Variants in MRPS18A observed in about 807,000 individuals in gnomAD.
MRPS18A encodes the protein mitochondrial ribosomal protein S18A, also known as large ribosomal subunit protein mL66.
In MRPS18A, 20 loss-of-function variants were observed where a neutral mutation model predicts 22.7. That is an observed-to-expected ratio of 0.88 (90% CI 0.62 to 1.28). The LOEUF is 1.28. Among genes scored for constraint, MRPS18A ranks in the 50% most tolerant of loss-of-function variants. MRPS18A has a pLI of 0.00. For missense variants in MRPS18A, 294 were observed against 262.6 expected, an observed-to-expected ratio of 1.12 and a Z score of -0.83; for synonymous variants, 106 against 99.1, an observed-to-expected ratio of 1.07 and a Z score of -0.41.
chr6:43,686,138 A>T (rs1407289155), intron 1 of MRPS18A, among the ~76,000 whole-genome samples: 1 of 152,270 alleles, frequency 6.6e-6, no homozygotes, highest in East Asian at 1.9e-4. Context: ...TCCAAAGGAA[A>T]AAATTAAGTC....
chr6:43,687,405 G>C lies in MRPS18A; in HGVS notation c.112+263C>G, dbSNP rs557103611. 1.1e-4 allele frequency among the ~76,000 whole-genome samples: 16 copies of C among 152,318 alleles called. No homozygotes were observed. The South Asian group carries it at 3.1e-3, about 30-fold the overall frequency. On this transcript the variant is annotated intron_variant, in intron 1 of 5. Coordinates refer to ENST00000372133, the MANE Select transcript of MRPS18A (RefSeq NM_018135.4). ...TTTCCGAAAACTTTTCTGAGCCCTA[G>C]GACAGGTTTAGTGTCTGCTCCTGCT...
intron 4 of MRPS18A, 82 bp from the exon 5 acceptor site, chr6:43,675,353 G>A: frequency 6.3e-7 from 1 of 1,586,704 alleles, no homozygotes; most frequent in Non-Finnish European, 8.6e-7. Context: ...CAAGGGAGCG[G>A]GAAGGTTGGC....
chr6:43,672,176 T>C (rs1474641476), intron 5 of MRPS18A: 6 of 541,916 alleles, frequency 1.1e-5, no homozygotes, highest in Non-Finnish European at 2.1e-5. Flanking sequence ...AATGTCAATG[T>C]TGGTGTGTGT....
At position 43,673,911 on chromosome 6, in the gene MRPS18A, T is replaced by A. The variant is rs2127941840; in HGVS notation, c.446+1291A>T. On this transcript the variant is annotated intron_variant, in intron 5 of 5. Coordinates refer to ENST00000372133, the MANE Select transcript of MRPS18A (RefSeq NM_018135.4). The surrounding 1 kb of genome is among the most constrained non-coding windows in gnomAD (Gnocchi z 4.2). The stretch of plus-strand genomic sequence containing the variant: ...GATGCCGGATGTATGGGAGGGCGCC[T>A]GGCCTAGCTTCAAAGGCCTGAGGCA... Among the ~76,000 whole-genome samples the A allele has an allele frequency of 6.6e-6, 1 of 152,292 alleles. No homozygotes were observed. The highest frequency in any genetic ancestry group is 2.1e-4 in the South Asian group (1 of 4,828).
At chr6:43,686,637 T>C (rs757141088) in intron 1 of MRPS18A, among the ~76,000 whole-genome samples, 6 of 152,238 alleles carry the variant, frequency 3.9e-5, no homozygotes, top group Non-Finnish European at 7.3e-5. Flanking sequence ...TTTAGACTTT[T>C]CTGCTCCCTC....
intron 3 of MRPS18A, among the ~76,000 whole-genome samples, chr6:43,676,056 G>T (rs766758667): frequency 6.6e-6 from 1 of 152,014 alleles, no homozygotes; most frequent in Non-Finnish European, 1.5e-5. Context: ...TCGCTATGTT[G>T]CCCAGGTTGG....
chr6:43,683,109 C>T (rs1774504736), intron 1 of MRPS18A, among the ~76,000 whole-genome samples: 3 of 152,230 alleles, frequency 2.0e-5, no homozygotes, highest in African/African-American at 2.4e-5. Context: ...ACATCACTCC[C>T]GGCAAAGTAC....
At chr6:43,675,167 G>T in intron 5 of MRPS18A, 35 bp downstream of exon 5, 2 of 1,486,306 alleles carry the variant, frequency 1.3e-6, no homozygotes, top group South Asian at 1.4e-5. Flanking sequence ...CCTGAGCGCA[G>T]AACGCTCAGG....
At chr6:43,679,836 G>A (rs542249560) in intron 2 of MRPS18A, among the ~76,000 whole-genome samples, 5 of 152,170 alleles carry the variant, frequency 3.3e-5, no homozygotes, top group Non-Finnish European at 7.3e-5. Context: ...GCCTTGGGAG[G>A]CAGGTTGCAG....
intron 1 of MRPS18A, among the ~76,000 whole-genome samples, chr6:43,684,189 A>G (rs550428458): frequency 6.6e-6 from 1 of 152,304 alleles, no homozygotes; most frequent in South Asian, 2.1e-4. Context: ...AACTGCAGCC[A>G]TGTAAAGACT....
Position 43,681,224 on chromosome 6 carries a change from A to C in MRPS18A, c.113-104T>G, listed in dbSNP as rs41281842. 1,187 of 1,163,778 alleles carry C rather than the reference A, an allele frequency of 1.0e-3. 9 individuals carry two copies. Among genetic ancestry groups the C allele is most frequent in the Non-Finnish European group, 4.2e-4 (335 of 797,386 alleles). The allele number at this position is 1,163,778 out of a possible 1,614,324, so 72.1% of individuals were successfully genotyped here. A position where few individuals can be genotyped will look rare whatever the true frequency, so the allele number is the denominator to read the frequency against. ...CACATCTGGAAAAAAGCAGCCTTCC[A>C]TCTGTACTCTCTCATGGTCTCCACC... On this transcript the variant is annotated intron_variant, in intron 1 of 5. Coordinates refer to ENST00000372133, the MANE Select transcript of MRPS18A (RefSeq NM_018135.4).
chr6:43,682,050 CCAGCACTTTGGGAGGCTG>C (rs1465942748), intron 1 of MRPS18A, among the ~76,000 whole-genome samples: 1 of 152,168 alleles, frequency 6.6e-6, no homozygotes, highest in Non-Finnish European at 1.5e-5. Context: ...GCCTGTAATC[CCAGCACTTTGGGAGGCTG>C]AGGCGGGAAG....
chr6:43,675,442 G>C (rs1773999534), intron 4 of MRPS18A, 52 bp downstream of exon 4: 2 of 1,613,770 alleles, frequency 1.2e-6, no homozygotes, highest in Middle Eastern at 3.3e-4. Context: ...CAGCTGGGTG[G>C]GGAGAGAGTG....
At chr6:43,672,559 T>C in intron 5 of MRPS18A, 1 of 410,432 alleles carries the variant, frequency 2.4e-6, no homozygotes, top group Non-Finnish European at 5.1e-6. Flanking sequence ...CCGGCTAGGA[T>C]TGGGTTTTAC....
chr6:43,676,321 AC>A (rs1774052582), intron 3 of MRPS18A, among the ~76,000 whole-genome samples: 1 of 152,184 alleles, frequency 6.6e-6, no homozygotes, highest in Non-Finnish European at 1.5e-5. Flanking sequence ...AACATTTTAG[AC>A]CTCAAAGTCT....
At position 43,671,835 on chromosome 6, in the gene MRPS18A, C is replaced by G; in HGVS notation, c.518G>C (p.Arg173Pro). The stretch of plus-strand genomic sequence containing the variant: ...CAGAAGGGGTGACCCCACGGGCATG[C>G]GCACCCTGTTCCAGCGGGGGCCTTT... ...YKKGPRWNRV[R>P]MPVGSPLLRD... The change falls in exon 6 of 6, where the codon CGC becomes CCC. Residue 173 changes from arginine (R) to proline (P), a missense_variant. Physicochemically the swap from Arg to Pro is moderately radical, Grantham distance 103. Coordinates refer to ENST00000372133, the MANE Select transcript of MRPS18A (RefSeq NM_018135.4). 1.2e-6 allele frequency: 2 copies of G among 1,614,130 alleles called. No homozygotes were observed. Among genetic ancestry groups the G allele is most frequent in the Non-Finnish European group, 1.7e-6 (2 of 1,179,996 alleles).
intron 2 of MRPS18A, 30 bp downstream of exon 2, chr6:43,681,059 G>A: frequency 1.9e-6 from 3 of 1,611,062 alleles, no homozygotes; most frequent in Non-Finnish European, 2.5e-6. Context: ...CGTTAAAGAG[G>A]TTATACATGG....
chr6:43,683,911 A>G (rs1284277874), intron 1 of MRPS18A, among the ~76,000 whole-genome samples: 1 of 152,204 alleles, frequency 6.6e-6, no homozygotes, highest in Non-Finnish European at 1.5e-5. Flanking sequence ...TCCTTTGAGT[A>G]CTTCAGTAAA....
Position 43,678,643 on chromosome 6 carries a change from TG to T in MRPS18A, c.145-19del. On this transcript the variant is annotated intron_variant, in intron 2 of 5. Transcript: ENST00000372133. ...CCTTCAATCTAGGAGACAGAGAAAG[TG>T]AGCCAGTGTGAGAGACAGGACCTGC... 6.4e-7 allele frequency: 1 copy of T among 1,564,516 alleles called. No individual in the cohort carries two copies. The highest frequency in any genetic ancestry group is 8.8e-7 in the Non-Finnish European group (1 of 1,135,008).
Sources: gnomAD v4.1 joint callset for allele counts (sites outside exome capture counted in the v4.1 genomes callset) on GRCh38, gnomAD v4.1.1 for gene constraint, Gnocchi (gnomAD v3.1) non-coding constraint, MANE v1.5 for transcripts, NCBI Gene and HGNC (gene_info 2026-07-23, HGNC 2026-07-21) for gene names.